Variants in CDH4 observed in about 807,000 individuals in gnomAD.
CDH4 encodes cadherin 4.
In CDH4, 33 loss-of-function variants were observed where a neutral mutation model predicts 86.0. The ratio of observed to expected loss-of-function variants is 0.38; its 90% CI spans 0.29 to 0.51. CDH4 has a LOEUF of 0.51. Ranked by LOEUF, CDH4 falls within the 20% of genes least tolerant of loss-of-function variation. CDH4 has a pLI of 0.86. For synonymous variants in CDH4, 555 were observed against 549.4 expected (o/e 1.01, Z -0.14); for missense variants, 1,114 against 1,307.4 (o/e 0.85, Z 2.28).
At chr20:61,253,273 G>C (rs997011081) in intron 1 of CDH4, among the ~76,000 whole-genome samples, 1 of 150,648 alleles carries the variant, frequency 6.6e-6, no homozygotes, top group Non-Finnish European at 1.5e-5. Flanking sequence ...GGCGCGGCGC[G>C]GGAGGGCGCC....
At chr20:61,436,840 G>A (rs942325979) in intron 2 of CDH4, among the ~76,000 whole-genome samples, 2 of 152,178 alleles carry the variant, frequency 1.3e-5, no homozygotes, top group Non-Finnish European at 2.9e-5. Context: ...CCAACAGTGA[G>A]TCACTTCATT....
At chr20:61,323,085 G>A (rs1372377593) in intron 2 of CDH4, among the ~76,000 whole-genome samples, 2 of 152,118 alleles carry the variant, frequency 1.3e-5, no homozygotes, top group African/African-American at 2.4e-5. Flanking sequence ...TATACCCCTC[G>A]CCTCTCCAAA....
In CDH4 at chr20:61,510,563, C is replaced by T. The variant is rs761981126; in HGVS notation, c.170-233000C>T. On this transcript the variant is annotated intron_variant, in intron 2 of 15. Coordinates refer to ENST00000614565, the MANE Select transcript of CDH4 (RefSeq NM_001794.5). This position sits in a 1 kb window ranked among gnomAD's most constrained non-coding sequence, Gnocchi z 4.2. ...TGCCCCAGGAATGGCCCACGGGTGT[C>T]GGGGGTGATGACCGACCTCAGGACT... Among the ~76,000 whole-genome samples, 11 of 152,142 alleles carry T rather than the reference C, an allele frequency of 7.2e-5. No individual in the cohort carries two copies. Among genetic ancestry groups the T allele is most frequent in the Non-Finnish European group, 1.3e-4 (9 of 68,036 alleles).
intron 2 of CDH4, among the ~76,000 whole-genome samples, chr20:61,466,499 C>T (rs973563137): frequency 6.6e-6 from 1 of 152,168 alleles, no homozygotes; most frequent in Non-Finnish European, 1.5e-5. Context: ...AAACTTGTTT[C>T]TCATGTAAGA....
chr20:61,602,391 C>T lies in CDH4; in HGVS notation c.170-141172C>T, dbSNP rs1437999344. Among the ~76,000 whole-genome samples the T allele has an allele frequency of 2.6e-5, 4 of 152,302 alleles. No homozygotes were observed. The East Asian group carries it at 7.7e-4, about 29-fold the overall frequency. On this transcript the variant is annotated intron_variant, in intron 2 of 15. Coordinates refer to ENST00000614565, the MANE Select transcript of CDH4 (RefSeq NM_001794.5). ...TGACCAGGTCCTCAAAGGAAACTCACATGTCTTAACTTCCGGGACTCCACT... is the reference window on the plus strand; with the variant it reads ...TGACCAGGTCCTCAAAGGAAACTCATATGTCTTAACTTCCGGGACTCCACT...
At chr20:61,628,379 G>C (rs1044904490) in intron 2 of CDH4, among the ~76,000 whole-genome samples, 3 of 152,066 alleles carry the variant, frequency 2.0e-5, no homozygotes, top group Admixed American at 6.5e-5. Context: ...GCGACTTCAG[G>C]GATCACCTGC....
At chr20:61,782,249 C>T (rs150621977) in intron 4 of CDH4, among the ~76,000 whole-genome samples, 2,069 of 152,256 alleles carry the variant, frequency 0.014, 54 homozygotes, top group African/African-American at 0.045. Context: ...ACAGAGGTTG[C>T]AGTGAGCCGA....
chr20:61,452,500 A>G (rs2085386524), intron 2 of CDH4, among the ~76,000 whole-genome samples: 1 of 152,218 alleles, frequency 6.6e-6, no homozygotes, highest in South Asian at 2.1e-4. Context: ...TTGTGTGAAT[A>G]ATGCATTCTG....
chr20:61,636,957 C>T (rs893330138), intron 2 of CDH4, among the ~76,000 whole-genome samples: 5 of 152,200 alleles, frequency 3.3e-5, no homozygotes, highest in Non-Finnish European at 4.4e-5. Flanking sequence ...CTGCAGCAGC[C>T]TCTGCCAGTT....
At chr20:61,386,495 T>C (rs2084951352) in intron 2 of CDH4, among the ~76,000 whole-genome samples, 1 of 145,320 alleles carries the variant, frequency 6.9e-6, no homozygotes, top group Non-Finnish European at 1.5e-5. Context: ...GAACCCGTAC[T>C]GTAAGCTCTT....
chr20:61,718,666 C>T (rs980732444), intron 2 of CDH4: 8 of 388,942 alleles, frequency 2.1e-5, no homozygotes, highest in South Asian at 5.9e-5. Flanking sequence ...TAACTTGAAC[C>T]GAAGCCAGAG....
rs939811334 is a variant in CDH4 at position 61,676,190 on chromosome 20, G to A, written c.170-67373G>A. 5.9e-5 allele frequency among the ~76,000 whole-genome samples: 9 copies of A among 152,268 alleles called. No individual in the cohort carries two copies. The South Asian group carries it at 1.5e-3, about 25-fold the overall frequency. Reference sequence around the variant, plus strand: ...CACGTGCAGAAAATCACATCCTTCCGTCATTCCCATTAACATTCGCCTGGT... The same window carrying A: ...CACGTGCAGAAAATCACATCCTTCCATCATTCCCATTAACATTCGCCTGGT... On this transcript the variant is annotated intron_variant, in intron 2 of 15. Transcript: ENST00000614565. The surrounding 1 kb of genome is among the most constrained non-coding windows in gnomAD (Gnocchi z 4.5).
chr20:61,530,433 T>C (rs6061269), intron 2 of CDH4, among the ~76,000 whole-genome samples: 2,401 of 152,176 alleles, frequency 0.016, 59 homozygotes, highest in African/African-American at 0.056. Flanking sequence ...ACTGAAGCTG[T>C]ACATGGCAGA....
At chr20:61,650,558 T>C (rs1183531744) in intron 2 of CDH4, among the ~76,000 whole-genome samples, 1 of 152,214 alleles carries the variant, frequency 6.6e-6, no homozygotes, top group Non-Finnish European at 1.5e-5. Flanking sequence ...TTCTTCCCTC[T>C]TACTAAGCAT....
At chr20:61,292,548 C>T (rs777155522) in intron 2 of CDH4, among the ~76,000 whole-genome samples, 2 of 152,180 alleles carry the variant, frequency 1.3e-5, no homozygotes, top group African/African-American at 2.4e-5. Flanking sequence ...GTGCTGTTGG[C>T]GTCCAGTGGA....
intron 3 of CDH4, among the ~76,000 whole-genome samples, chr20:61,766,833 C>T (rs2088704961): frequency 6.6e-6 from 1 of 152,218 alleles, no homozygotes; most frequent in Non-Finnish European, 1.5e-5. Flanking sequence ...AGTGCCCTGA[C>T]CGAGATATAA....
chr20:61,467,416 G>A (rs2085478837), intron 2 of CDH4, among the ~76,000 whole-genome samples: 1 of 152,160 alleles, frequency 6.6e-6, no homozygotes, highest in Admixed American at 6.5e-5. Flanking sequence ...GGTACTCTGT[G>A]GTCGTTTCTC....
chr20:61,357,597 T>TG (rs1429837496), intron 2 of CDH4, among the ~76,000 whole-genome samples: 2 of 152,232 alleles, frequency 1.3e-5, no homozygotes, highest in Admixed American at 6.5e-5. Context: ...AGGGGGAACC[T>TG]GGCCACCAGG....
At chr20:61,411,044 A>G (rs771880101) in intron 2 of CDH4, among the ~76,000 whole-genome samples, 20 of 151,284 alleles carry the variant, frequency 1.3e-4, no homozygotes, top group Non-Finnish European at 2.4e-4. Context: ...CCGTCCATTC[A>G]TCCTCCTGTC....
Sources: allele counts gnomAD v4.1 joint callset (sites outside exome capture counted in the v4.1 genomes callset), GRCh38; gene constraint gnomAD v4.1.1; non-coding constraint Gnocchi (gnomAD v3.1); transcripts MANE v1.5; gene names NCBI Gene and HGNC (gene_info 2026-07-23, HGNC 2026-07-21).